Variants in TMEM161B observed in about 807,000 individuals in gnomAD.
The protein encoded by TMEM161B is transmembrane protein 161B.
In TMEM161B, 34 loss-of-function variants were observed where a neutral mutation model predicts 61.8. The ratio of observed to expected loss-of-function variants is 0.55; its 90% CI spans 0.42 to 0.73. TMEM161B has a LOEUF of 0.73. Among genes scored for constraint, TMEM161B ranks in the 30% least tolerant of loss-of-function variants. The probability of loss-of-function intolerance (pLI) is 0.00; values close to 1 mark genes in which losing one functional copy is unlikely to be tolerated. For synonymous variants in TMEM161B, 167 were observed against 192.8 expected, an observed-to-expected ratio of 0.87 and a Z score of 1.11; for missense variants, 456 against 558.5, an observed-to-expected ratio of 0.82 and a Z score of 1.85.
chr5:88,194,488 C>T (rs1047170676), downstream of TMEM161B, among the ~76,000 whole-genome samples: 2 of 152,022 alleles, frequency 1.3e-5, no homozygotes, highest in Non-Finnish European at 2.9e-5. Flanking sequence ...ACAATGATTG[C>T]CTTTCATTTG....
chr5:88,228,308 A>AT, intron 3 of TMEM161B, 137 bp downstream of exon 3: 1 of 652,092 alleles, frequency 1.5e-6, no homozygotes, highest in Non-Finnish European at 2.6e-6. Context: ...TACAGATTAG[A>AT]TTTTCATGGG....
chr5:88,265,667 C>T (rs1256897874), intron 1 of TMEM161B, among the ~76,000 whole-genome samples: 1 of 152,154 alleles, frequency 6.6e-6, no homozygotes. Context: ...TTTCTTTCCA[C>T]TGTACTCTTT....
At chr5:88,228,962 C>A (rs1483844822) in intron 2 of TMEM161B, among the ~76,000 whole-genome samples, 1 of 152,110 alleles carries the variant, frequency 6.6e-6, no homozygotes, top group Non-Finnish European at 1.5e-5. Context: ...GGTAGTCTTT[C>A]CTTTCTTTCC....
chr5:88,255,599 T>C (rs1183599175), intron 1 of TMEM161B, among the ~76,000 whole-genome samples: 2 of 152,226 alleles, frequency 1.3e-5, no homozygotes, highest in Non-Finnish European at 2.9e-5. Context: ...TAAAACATAA[T>C]TGTCAACAAC....
intron 2 of TMEM161B, among the ~76,000 whole-genome samples, chr5:88,233,133 G>C (rs990941291): frequency 6.6e-6 from 1 of 152,170 alleles, no homozygotes; most frequent in Non-Finnish European, 1.5e-5. Context: ...TACTCTGCTA[G>C]GCAGAGGAGA....
At position 88,268,841 on chromosome 5, in the gene TMEM161B, G is replaced by C. The variant is rs1053689816; in HGVS notation, c.-118C>G. ...AAACAGCGAAAGAGAGGGTCTTCCG[G>C]CTCTGCCGGAAGTTGTGCGCGCGCG... On this transcript the variant is annotated 5_prime_UTR_variant, in exon 1 of 12. Transcript: ENST00000296595. 5 of 1,558,036 alleles carry C rather than the reference G, an allele frequency of 3.2e-6. No individual in the cohort carries two copies. In the South Asian group the frequency reaches 3.5e-5, roughly 11 times the overall value.
chr5:88,237,030 T>C (rs373100273), intron 2 of TMEM161B, among the ~76,000 whole-genome samples: 26 of 152,150 alleles, frequency 1.7e-4, no homozygotes, highest in Non-Finnish European at 3.1e-4. Flanking sequence ...ATAAATCACA[T>C]AAATACTAGA....
chr5:88,191,290 C>T (rs543803004), downstream of TMEM161B, among the ~76,000 whole-genome samples: 3 of 152,310 alleles, frequency 2.0e-5, no homozygotes, highest in Non-Finnish European at 2.9e-5. Context: ...GACCCTCCTT[C>T]CCCCAACAGG....
downstream of TMEM161B, among the ~76,000 whole-genome samples, chr5:88,194,817 T>A (rs1349916680): frequency 6.6e-6 from 1 of 152,088 alleles, no homozygotes; most frequent in African/African-American, 2.4e-5. Context: ...AAGAGTTATA[T>A]GGAAAAGCAT....
downstream of TMEM161B, among the ~76,000 whole-genome samples, chr5:88,192,155 A>C (rs1223896340): frequency 6.7e-6 from 1 of 150,128 alleles, no homozygotes; most frequent in Non-Finnish European, 1.5e-5. Flanking sequence ...CTATGATACT[A>C]CTTTATTTAA....
intron 8 of TMEM161B, among the ~76,000 whole-genome samples, chr5:88,205,260 A>T (rs1003566262): frequency 1.3e-5 from 2 of 152,214 alleles, no homozygotes; most frequent in Non-Finnish European, 2.9e-5. Flanking sequence ...TTTGGTAGTT[A>T]GAAGTAATGT....
At chr5:88,208,799 C>G (rs1369306689) in intron 5 of TMEM161B, among the ~76,000 whole-genome samples, 1 of 152,174 alleles carries the variant, frequency 6.6e-6, no homozygotes, top group Non-Finnish European at 1.5e-5. Flanking sequence ...CTATTGATTA[C>G]ATTGCCTCTA....
intron 5 of TMEM161B, among the ~76,000 whole-genome samples, chr5:88,219,368 G>C (rs1364396815): frequency 6.6e-6 from 1 of 152,130 alleles, no homozygotes; most frequent in Non-Finnish European, 1.5e-5. Flanking sequence ...GGCCTTGAAA[G>C]TACATAGAAA....
At chr5:88,236,155 C>A (rs890098697) in intron 2 of TMEM161B, among the ~76,000 whole-genome samples, 1 of 152,096 alleles carries the variant, frequency 6.6e-6, no homozygotes, top group African/African-American at 2.4e-5. Context: ...TGTTATAACA[C>A]CCTCTTTAAC....
At chr5:88,242,222 C>G (rs116622028) in intron 1 of TMEM161B, among the ~76,000 whole-genome samples, 3,037 of 151,848 alleles carry the variant, frequency 0.02, 103 homozygotes, top group African/African-American at 0.067. Flanking sequence ...ATCTCCCACA[C>G]AGTATCCATC....
chr5:88,190,015 C>T (rs908712832), exon 13 of TMEM161B: 24 of 698,866 alleles, frequency 3.4e-5, no homozygotes, highest in African/African-American at 2.1e-4. Context: ...TTATCTGAGC[C>T]GATCCGTAAG....
At chr5:88,206,186 A>G (rs1745429978) in intron 7 of TMEM161B, among the ~76,000 whole-genome samples, 1 of 152,110 alleles carries the variant, frequency 6.6e-6, no homozygotes, top group Non-Finnish European at 1.5e-5. Context: ...TTCAACAGGG[A>G]ATTGACATAT....
intron 4 of TMEM161B, among the ~76,000 whole-genome samples, chr5:88,224,999 G>A (rs952358710): frequency 2.5e-5 from 3 of 119,632 alleles, no homozygotes; most frequent in Admixed American, 1.3e-4. Flanking sequence ...ACGGAGTCTC[G>A]CTCTGTCGCC....
chr5:88,214,463 A>C (rs1747445783), intron 5 of TMEM161B, among the ~76,000 whole-genome samples: 1 of 152,098 alleles, frequency 6.6e-6, no homozygotes, highest in Admixed American at 6.5e-5. Flanking sequence ...AAAAAAAAAA[A>C]CTATACATTG....
Sources: allele counts gnomAD v4.1 joint callset (sites outside exome capture counted in the v4.1 genomes callset), GRCh38; gene constraint gnomAD v4.1.1; transcripts MANE v1.5; gene names NCBI Gene and HGNC (gene_info 2026-07-23, HGNC 2026-07-21).